Variants in EXT1 observed in about 807,000 individuals in gnomAD.
EXT1 encodes exostosin glycosyltransferase 1.
Under a neutral mutation model 82.5 loss-of-function variants are expected in EXT1, and 20 were observed. The observed-to-expected ratio is 0.24, with a 90% CI of 0.17 to 0.35. The LOEUF (loss-of-function observed/expected upper bound fraction) is 0.35. Among genes scored for constraint, EXT1 ranks in the 10% least tolerant of loss-of-function variants. The pLI is 1.00. For missense variants in EXT1, 757 were observed against 936.5 expected (o/e 0.81, Z 2.50); for synonymous variants, 348 against 350.8 (o/e 0.99, Z 0.09).
intron 1 of EXT1, among the ~76,000 whole-genome samples, chr8:118,097,179 C>T (rs1198317686): frequency 6.6e-6 from 1 of 152,156 alleles, no homozygotes; most frequent in Non-Finnish European, 1.5e-5. Context: ...GGTGCAGCGG[C>T]TCACGCCTGT....
At chr8:118,079,650 A>G (rs1301095445) in intron 1 of EXT1, among the ~76,000 whole-genome samples, 1 of 151,772 alleles carries the variant, frequency 6.6e-6, no homozygotes, top group African/African-American at 2.4e-5. Context: ...ATTTCTTCTA[A>G]CACCGCCCCC....
At chr8:118,096,829 G>C (rs1032150688) in intron 1 of EXT1, among the ~76,000 whole-genome samples, 3 of 152,178 alleles carry the variant, frequency 2.0e-5, no homozygotes, top group African/African-American at 4.8e-5. Flanking sequence ...AATGAACTTG[G>C]AGTAGGAACA....
At chr8:117,955,936 CAG>C (rs1270142892) in intron 1 of EXT1, among the ~76,000 whole-genome samples, 3 of 152,168 alleles carry the variant, frequency 2.0e-5, no homozygotes, top group Non-Finnish European at 2.9e-5. Context: ...GGCAAGGATC[CAG>C]CTTGAGTGTA....
intron 1 of EXT1, among the ~76,000 whole-genome samples, chr8:117,946,719 G>A (rs935465469): frequency 5.3e-5 from 8 of 152,288 alleles, no homozygotes; most frequent in Non-Finnish European, 8.8e-5. Context: ...GAGGGCCCAC[G>A]GCCTCTGAAT....
chr8:118,041,194 A>G (rs1816520291), intron 1 of EXT1, among the ~76,000 whole-genome samples: 1 of 152,240 alleles, frequency 6.6e-6, no homozygotes, highest in Non-Finnish European at 1.5e-5. Flanking sequence ...ATTAAAAAGA[A>G]GTCCTCAAGT....
intron 1 of EXT1, among the ~76,000 whole-genome samples, chr8:117,986,452 C>T (rs1335612653): frequency 6.6e-6 from 1 of 152,212 alleles, no homozygotes; most frequent in East Asian, 1.9e-4. Context: ...CCGCCTCAGG[C>T]TCCCAAAGTG....
At chr8:117,863,900 C>A (rs746979291) in intron 1 of EXT1, among the ~76,000 whole-genome samples, 8 of 152,096 alleles carry the variant, frequency 5.3e-5, no homozygotes, top group Non-Finnish European at 1.2e-4. Flanking sequence ...TAAATCACTG[C>A]CAGCTTTTAC....
chr8:117,851,097 C>A (rs17430350), intron 1 of EXT1, among the ~76,000 whole-genome samples: 397 of 152,218 alleles, frequency 2.6e-3, no homozygotes, highest in Non-Finnish European at 4.3e-3. Flanking sequence ...ATGCTTAAGG[C>A]ACAACACTTG....
At chr8:117,877,259 T>C (rs1175105715) in intron 1 of EXT1, among the ~76,000 whole-genome samples, 1 of 152,276 alleles carries the variant, frequency 6.6e-6, no homozygotes, top group African/African-American at 2.4e-5. Flanking sequence ...GCTGAATTAA[T>C]GAGGAACCAG....
At chr8:118,058,835 T>C (rs1816836615) in intron 1 of EXT1, among the ~76,000 whole-genome samples, 1 of 152,214 alleles carries the variant, frequency 6.6e-6, no homozygotes, top group Non-Finnish European at 1.5e-5. Context: ...ACTGATTGAT[T>C]GATTGGCAGA....
intron 1 of EXT1, among the ~76,000 whole-genome samples, chr8:117,977,594 A>G (rs888167179): frequency 2.6e-5 from 4 of 152,222 alleles, no homozygotes; most frequent in Non-Finnish European, 4.4e-5. Flanking sequence ...TCAGCTGGAT[A>G]CAAAGAACAT....
At chr8:117,903,856 A>G (rs1348001533) in intron 1 of EXT1, among the ~76,000 whole-genome samples, 1 of 152,216 alleles carries the variant, frequency 6.6e-6, no homozygotes, top group East Asian at 1.9e-4. Flanking sequence ...AAAAAATCCG[A>G]ACTATAAAGG....
chr8:117,881,947 C>T (rs920961760), intron 1 of EXT1, among the ~76,000 whole-genome samples: 5 of 152,208 alleles, frequency 3.3e-5, no homozygotes, highest in African/African-American at 1.2e-4. Flanking sequence ...GTAGCTTCTA[C>T]AGACGTTATT....
Position 117,797,398 on chromosome 8 carries a change from G to GGATAT in EXT1, c.*2309_*2313dup, listed in dbSNP as rs1252873612. 3 of 152,184 alleles carry GGATAT rather than the reference G, an allele frequency of 2.0e-5. No individual in the cohort carries two copies. Among genetic ancestry groups the GGATAT allele is most frequent in the Non-Finnish European group, 4.4e-5 (3 of 68,042 alleles). 9.4% of individuals were successfully genotyped at this position (152,184 alleles called of 1,614,324 possible). On this transcript the variant is annotated 3_prime_UTR_variant, in exon 11 of 11. Coordinates refer to ENST00000378204, the MANE Select transcript of EXT1 (RefSeq NM_000127.3). ...TCACATAACACATGTTGTTTGTGGA[G>GGATAT]GATATGTGTTGTGAGCTTGGTGACA...
intron 1 of EXT1, among the ~76,000 whole-genome samples, chr8:117,927,416 G>GGA (rs1554586700): frequency 1.1e-3 from 20 of 18,106 alleles, no homozygotes; most frequent in Non-Finnish European, 3.2e-3. Flanking sequence ...TCCTCTGGGG[G>GGA]AAAAAAAAAA....
rs1294751826 is a variant in EXT1, at chr8:117,816,986, T to C, written c.1632+1449A>G. ...ACACTGCCATTCCTATGATGGGCTA[T>C]TCTATGGGGGGGATGGATATAAGGG... On this transcript the variant is annotated intron_variant, in intron 7 of 10. Transcript: ENST00000378204. 2.0e-5 allele frequency among the ~76,000 whole-genome samples: 3 copies of C among 149,412 alleles called. No homozygotes were observed. The East Asian group carries it at 5.9e-4, about 29-fold the overall frequency.
intron 1 of EXT1, among the ~76,000 whole-genome samples, chr8:117,853,106 G>C (rs1006363276): frequency 2.0e-5 from 3 of 152,124 alleles, no homozygotes; most frequent in African/African-American, 7.2e-5. Flanking sequence ...GAAATTTAAA[G>C]TACTTTTGGG....
chr8:117,945,118 C>T (rs547375127), intron 1 of EXT1, among the ~76,000 whole-genome samples: 1 of 152,264 alleles, frequency 6.6e-6, no homozygotes, highest in East Asian at 1.9e-4. Flanking sequence ...GCCAAGATCG[C>T]GCCACTGCAC....
At chr8:117,816,508 A>G (rs17474386) in intron 7 of EXT1, among the ~76,000 whole-genome samples, 5,718 of 152,244 alleles carry the variant, frequency 0.038, 361 homozygotes, top group African/African-American at 0.13. Context: ...GAGTCAGGGA[A>G]AAGACATAGG....
Sources: allele counts gnomAD v4.1 joint callset (sites outside exome capture counted in the v4.1 genomes callset), GRCh38; gene constraint gnomAD v4.1.1; transcripts MANE v1.5; gene names NCBI Gene and HGNC (gene_info 2026-07-23, HGNC 2026-07-21).